Variants in FOXP1 observed in about 807,000 individuals in gnomAD.
The protein encoded by FOXP1 is forkhead box protein P1.
In FOXP1, 15 loss-of-function variants were observed where a neutral mutation model predicts 98.2. That is an observed-to-expected ratio of 0.15 (90% confidence interval 0.10 to 0.24). The LOEUF is 0.24. Among genes scored for constraint, FOXP1 ranks in the 10% least tolerant of loss-of-function variants. The pLI is 1.00. For missense variants in FOXP1, 633 were observed against 848.5 expected (o/e 0.75, Z 3.15); for synonymous variants, 371 against 314.5 (o/e 1.18, Z -1.90).
chr3:71,448,308 C>A (rs72961220), intron 3 of FOXP1, among the ~76,000 whole-genome samples: 4,718 of 152,180 alleles, frequency 0.031, 224 homozygotes, highest in African/African-American at 0.11. Context: ...ATTAAGTCTG[C>A]GAAAACAGTA....
At chr3:70,984,796 A>G (rs1407518218) in intron 14 of FOXP1, among the ~76,000 whole-genome samples, 2 of 152,114 alleles carry the variant, frequency 1.3e-5, no homozygotes, top group Non-Finnish European at 2.9e-5. Context: ...GTTCACCCAT[A>G]AGCTTTCTTC....
chr3:71,403,168 T>A (rs2082061057), intron 3 of FOXP1, among the ~76,000 whole-genome samples: 1 of 152,246 alleles, frequency 6.6e-6, no homozygotes, highest in African/African-American at 2.4e-5. Flanking sequence ...TGAAGCTGGA[T>A]CTTCTCCAAG....
intron 7 of FOXP1, among the ~76,000 whole-genome samples, chr3:71,077,982 G>A (rs1049115266): frequency 2.0e-5 from 3 of 152,050 alleles, no homozygotes; most frequent in South Asian, 2.1e-4. Context: ...ATAGGCACGC[G>A]CCATCACGCT....
intron 5 of FOXP1, among the ~76,000 whole-genome samples, chr3:71,201,939 C>G (rs2063704234): frequency 6.6e-6 from 1 of 152,142 alleles, no homozygotes; most frequent in South Asian, 2.1e-4. Context: ...AGCCAAATAT[C>G]CTGTCCTGAT....
intron 3 of FOXP1, among the ~76,000 whole-genome samples, chr3:71,378,375 TC>T (rs933517062): frequency 7.3e-6 from 1 of 136,538 alleles, no homozygotes; most frequent in Non-Finnish European, 1.7e-5. Context: ...AGGGTCTCAG[TC>T]ACCCCCAGTC....
intron 2 of FOXP1, among the ~76,000 whole-genome samples, chr3:71,546,811 T>C (rs1251102033): frequency 1.3e-5 from 2 of 152,214 alleles, no homozygotes; most frequent in African/African-American, 2.4e-5. Context: ...TGATTTCTCC[T>C]GCAAGGACTA....
intron 5 of FOXP1, among the ~76,000 whole-genome samples, chr3:71,228,930 A>G (rs1022657806): frequency 5.3e-5 from 8 of 151,824 alleles, no homozygotes; most frequent in East Asian, 1.9e-4. Context: ...AATGTGCTCT[A>G]AGAGGGTTTC....
intron 4 of FOXP1, among the ~76,000 whole-genome samples, chr3:71,348,421 G>A (rs1249440006): frequency 6.6e-6 from 1 of 152,100 alleles, no homozygotes; most frequent in Non-Finnish European, 1.5e-5. Flanking sequence ...CTTGGAGTGG[G>A]AGGCTGTTGG....
chr3:71,350,930 C>G (rs1419910943), intron 4 of FOXP1, among the ~76,000 whole-genome samples: 1 of 152,090 alleles, frequency 6.6e-6, no homozygotes, highest in Non-Finnish European at 1.5e-5. Flanking sequence ...CATGACCCAT[C>G]CTAGGCCAAG....
chr3:71,368,606 A>G (rs980627719), intron 3 of FOXP1, among the ~76,000 whole-genome samples: 1 of 60,812 alleles, frequency 1.6e-5, no homozygotes, highest in African/African-American at 6.0e-5. Flanking sequence ...AAAGTAATCA[A>G]TTGTTGGGAC....
chr3:71,451,794 C>A (rs2086984191), intron 3 of FOXP1, among the ~76,000 whole-genome samples: 1 of 151,954 alleles, frequency 6.6e-6, no homozygotes, highest in Admixed American at 6.6e-5. Flanking sequence ...AATACTAGAA[C>A]CAAAAAGGAA....
intron 6 of FOXP1, among the ~76,000 whole-genome samples, chr3:71,113,976 G>A (rs765394896): frequency 1.3e-5 from 2 of 152,100 alleles, no homozygotes; most frequent in African/African-American, 2.4e-5. Flanking sequence ...AACCAAGAAT[G>A]TACACATGGC....
intron 4 of FOXP1, among the ~76,000 whole-genome samples, chr3:71,302,412 A>C (rs1267159437): frequency 6.6e-6 from 1 of 151,924 alleles, no homozygotes; most frequent in Non-Finnish European, 1.5e-5. Context: ...TATTTTCTTT[A>C]AATCACTTTT....
chr3:71,267,124 A>AGAGAGT lies in FOXP1; in HGVS notation c.-12+32695_-12+32696insACTCTC, dbSNP rs142661368. Among the ~76,000 whole-genome samples the AGAGAGT allele has an allele frequency of 2.2e-3, 332 of 148,402 alleles. 1 individual carries two copies. The highest frequency in any genetic ancestry group is 5.2e-3 in the African/African-American group (208 of 40,322). Reference sequence around the variant, plus strand: ...TATCACGCTGCATTTTATGGGAGAGAGTGTGTGTGTGTGTGTGTGTGTGTG... The same window carrying AGAGAGT: ...TATCACGCTGCATTTTATGGGAGAGAGAGAGTGTGTGTGTGTGTGTGTGTGTGTGTG... On this transcript the variant is annotated intron_variant, in intron 5 of 20. Transcript: ENST00000649528.
At chr3:71,037,868 C>T (rs903978952) in intron 11 of FOXP1, among the ~76,000 whole-genome samples, 1 of 152,218 alleles carries the variant, frequency 6.6e-6, no homozygotes, top group Non-Finnish European at 1.5e-5. Flanking sequence ...TGATAAATGT[C>T]TCTACCCTGC....
At chr3:71,079,819 A>T (rs1023124694) in intron 7 of FOXP1, among the ~76,000 whole-genome samples, 4 of 152,240 alleles carry the variant, frequency 2.6e-5, no homozygotes, top group African/African-American at 9.6e-5. Flanking sequence ...TTGAATGCAT[A>T]GATGAGCGAG....
At chr3:71,481,873 G>A (rs1281626620) in intron 3 of FOXP1, among the ~76,000 whole-genome samples, 2 of 152,006 alleles carry the variant, frequency 1.3e-5, no homozygotes, top group African/African-American at 2.4e-5. Context: ...CTCACTCGAT[G>A]CTATTTTCTA....
chr3:71,381,521 C>T (rs1054871975), intron 3 of FOXP1, among the ~76,000 whole-genome samples: 2 of 147,794 alleles, frequency 1.4e-5, no homozygotes, highest in African/African-American at 2.5e-5. Flanking sequence ...CAGCTCACTG[C>T]GGCCTCAACC....
At chr3:71,184,781 T>C (rs544186972) in intron 6 of FOXP1, among the ~76,000 whole-genome samples, 4 of 151,888 alleles carry the variant, frequency 2.6e-5, no homozygotes, top group Admixed American at 2.6e-4. Context: ...GGGGGGCATA[T>C]TGTAGATGAA....
Sources: allele counts gnomAD v4.1 joint callset (sites outside exome capture counted in the v4.1 genomes callset), GRCh38; gene constraint gnomAD v4.1.1; transcripts MANE v1.5; gene names NCBI Gene and HGNC (gene_info 2026-07-23, HGNC 2026-07-21).